OR1B1: variants seen among roughly 807,000 people sequenced by gnomAD.
OR1B1 encodes olfactory receptor 1B1.
For synonymous variants in OR1B1, 168 were observed against 156.2 expected, an observed-to-expected ratio of 1.08 and a Z score of -0.57; for missense variants, 414 against 402.1, an observed-to-expected ratio of 1.03 and a Z score of -0.25.
upstream of OR1B1, among the ~76,000 whole-genome samples, chr9:122,632,748 A>G (rs78473123): frequency 2.0e-4 from 30 of 152,150 alleles, no homozygotes; most frequent in African/African-American, 7.0e-4. Flanking sequence ...CCCAGGAGAC[A>G]GTACAAAGTG....
At chr9:122,634,251 G>A (rs112706782), upstream of OR1B1, among the ~76,000 whole-genome samples, 96 of 151,098 alleles carry the variant, frequency 6.4e-4, no homozygotes, top group Admixed American at 1.3e-3. Context: ...CAGGAGAATC[G>A]CTTGAACCCG....
the OR1B1 span, among the ~76,000 whole-genome samples, chr9:122,648,599 G>A: frequency 5.9e-5 from 9 of 151,956 alleles, no homozygotes; most frequent in Non-Finnish European, 1.0e-4. Flanking sequence ...ATTCCTATAC[G>A]TCAATAACAG....
At chr9:122,633,353 G>A (rs972739628), upstream of OR1B1, among the ~76,000 whole-genome samples, 3 of 152,106 alleles carry the variant, frequency 2.0e-5, no homozygotes, top group Non-Finnish European at 2.9e-5. Flanking sequence ...ATTCCAAGAA[G>A]AAAATACAAG....
the OR1B1 span, among the ~76,000 whole-genome samples, chr9:122,650,270 G>T: frequency 6.6e-6 from 1 of 151,938 alleles, no homozygotes; most frequent in Non-Finnish European, 1.5e-5. Context: ...GCTAGAGGAG[G>T]GCTCGCATTA....
the OR1B1 span, among the ~76,000 whole-genome samples, chr9:122,647,941 G>A: frequency 6.6e-6 from 1 of 152,124 alleles, no homozygotes; most frequent in African/African-American, 2.4e-5. Context: ...TATATCAAGA[G>A]TAAATATGTG....
chr9:122,634,858 C>T, the OR1B1 span, among the ~76,000 whole-genome samples: 7 of 151,584 alleles, frequency 4.6e-5, no homozygotes, highest in Admixed American at 2.0e-4. Context: ...GGTTATTATG[C>T]GGAATAACAA....
chr9:122,629,558 A>G, exon 1 of OR1B1: 1 of 1,451,418 alleles, frequency 6.9e-7, no homozygotes, highest in Non-Finnish European at 9.5e-7. Flanking sequence ...GCCTGCCTGA[A>G]AGACAGTTTA....
At chr9:122,642,054 G>A in the OR1B1 span, among the ~76,000 whole-genome samples, 1 of 152,204 alleles carries the variant, frequency 6.6e-6, no homozygotes, top group African/African-American at 2.4e-5. Flanking sequence ...TGTGGACAGA[G>A]TAGAAGGAAA....
chr9:122,644,527 G>A, the OR1B1 span, among the ~76,000 whole-genome samples: 4 of 152,222 alleles, frequency 2.6e-5, no homozygotes, highest in African/African-American at 9.6e-5. Context: ...ATGGGCCTGG[G>A]TAAACTTGTC....
upstream of OR1B1, among the ~76,000 whole-genome samples, chr9:122,633,450 G>A (rs573673138): frequency 3.9e-5 from 6 of 152,204 alleles, no homozygotes; most frequent in Admixed American, 3.9e-4. Flanking sequence ...ATAAACAAGT[G>A]AGACTACATC....
the OR1B1 span, among the ~76,000 whole-genome samples, chr9:122,635,529 T>TA: frequency 2.6e-5 from 4 of 152,290 alleles, no homozygotes; most frequent in Non-Finnish European, 1.5e-5. Context: ...AAGGTGTTCT[T>TA]ACCACAAAAA....
chr9:122,650,461 A>C, the OR1B1 span, among the ~76,000 whole-genome samples: 2 of 151,738 alleles, frequency 1.3e-5, no homozygotes, highest in East Asian at 3.8e-4. Context: ...ACACACTTAT[A>C]AGGTATTTTA....
chr9:122,647,183 C>T, the OR1B1 span, among the ~76,000 whole-genome samples: 1 of 152,108 alleles, frequency 6.6e-6, no homozygotes, highest in Non-Finnish European at 1.5e-5. Context: ...AAGGGTAGAC[C>T]ATATGTTAGG....
chr9:122,628,975 G>A, exon 1 of OR1B1: 1 of 1,614,074 alleles, frequency 6.2e-7, no homozygotes, highest in Non-Finnish European at 8.5e-7. Flanking sequence ...GAAGTGGCCG[G>A]TGGTCACAAA....
chr9:122,639,988 C>T, the OR1B1 span, among the ~76,000 whole-genome samples: 344 of 152,092 alleles, frequency 2.3e-3, no homozygotes, highest in African/African-American at 7.9e-3. Flanking sequence ...ACGAAACCTG[C>T]GGTTCTGTGA....
chr9:122,630,951 C>A (rs112534467), upstream of OR1B1, among the ~76,000 whole-genome samples: 1 of 152,208 alleles, frequency 6.6e-6, no homozygotes, highest in East Asian at 1.9e-4. Flanking sequence ...CGTGATCCAA[C>A]CATCTCGGCC....
the OR1B1 span, among the ~76,000 whole-genome samples, chr9:122,654,197 G>A: frequency 6.6e-6 from 1 of 152,166 alleles, no homozygotes; most frequent in African/African-American, 2.4e-5. Context: ...ATAACTTCAA[G>A]TGTCATGTAA....
At chr9:122,643,836 C>A in the OR1B1 span, among the ~76,000 whole-genome samples, 2 of 152,200 alleles carry the variant, frequency 1.3e-5, no homozygotes, top group African/African-American at 4.8e-5. Flanking sequence ...CAGGCCCTAG[C>A]TCTGGGATGA....
upstream of OR1B1, among the ~76,000 whole-genome samples, chr9:122,632,571 C>G (rs1332835231): frequency 6.6e-6 from 1 of 152,040 alleles, no homozygotes; most frequent in South Asian, 2.1e-4. Context: ...CCCTCACCCC[C>G]CTTCCACCGC....
Sources: allele counts gnomAD v4.1 joint callset (sites outside exome capture counted in the v4.1 genomes callset), GRCh38; gene constraint gnomAD v4.1.1; transcripts MANE v1.5; gene names NCBI Gene and HGNC (gene_info 2026-07-23, HGNC 2026-07-21).